UNC5D: variants seen among roughly 807,000 people sequenced by gnomAD.
The protein encoded by UNC5D is netrin receptor UNC5D.
UNC5D carries 39 observed loss-of-function variants against 105.4 expected under a neutral mutation model. The observed-to-expected ratio is 0.37, with a 90% CI of 0.29 to 0.48. The LOEUF (loss-of-function observed/expected upper bound fraction) is 0.48. Among genes scored for constraint, UNC5D ranks in the 20% least tolerant of loss-of-function variants. The pLI, the probability that UNC5D is intolerant of heterozygous loss-of-function variation, is 0.98. For synonymous variants in UNC5D, 452 were observed against 450.4 expected (o/e 1.00, Z -0.04); for missense variants, 991 against 1,202.4 (o/e 0.82, Z 2.60).
At chr8:35,365,866 G>A (rs1250345137) in intron 1 of UNC5D, among the ~76,000 whole-genome samples, 4 of 152,094 alleles carry the variant, frequency 2.6e-5, no homozygotes, top group African/African-American at 9.7e-5. Flanking sequence ...AAAAAATAAG[G>A]CAGAAGCCCT....
chr8:35,297,897 G>C (rs1807618291), intron 1 of UNC5D, among the ~76,000 whole-genome samples: 1 of 152,062 alleles, frequency 6.6e-6, no homozygotes, highest in Admixed American at 6.6e-5. Context: ...CCATTAAGCG[G>C]GGCCACAAAT....
intron 7 of UNC5D, among the ~76,000 whole-genome samples, chr8:35,702,461 C>T (rs1827274652): frequency 6.6e-6 from 1 of 152,086 alleles, no homozygotes; most frequent in African/African-American, 2.4e-5. Flanking sequence ...ACTAAGCCAA[C>T]ACCACCACCA....
intron 1 of UNC5D, among the ~76,000 whole-genome samples, chr8:35,247,032 G>A (rs1803148757): frequency 6.6e-6 from 1 of 151,990 alleles, no homozygotes; most frequent in African/African-American, 2.4e-5. Context: ...TTGCTTGCTT[G>A]GCTTTTAGAG....
rs188820130 is a variant in UNC5D, at chr8:35,698,959, A to C, written c.1085-6970A>C. On this transcript the variant is annotated intron_variant, in intron 7 of 16. Coordinates refer to ENST00000404895, the MANE Select transcript of UNC5D (RefSeq NM_080872.4). ...CAAAGCAAAAGAATTCATAGGTTAG[A>C]AAAAGGACTTTATTATGCATCTTCC... Among the ~76,000 whole-genome samples, 195 of 152,304 alleles carry C rather than the reference A, an allele frequency of 1.3e-3. 3 individuals carry two copies. The highest frequency in any genetic ancestry group is 4.0e-4 in the Non-Finnish European group (27 of 68,028).
intron 1 of UNC5D, among the ~76,000 whole-genome samples, chr8:35,540,974 T>A (rs1340225616): frequency 6.6e-6 from 1 of 152,194 alleles, no homozygotes; most frequent in Non-Finnish European, 1.5e-5. Context: ...CAGCTTTCTT[T>A]CTATAATCTA....
chr8:35,314,869 A>G (rs1386539064), intron 1 of UNC5D, among the ~76,000 whole-genome samples: 1 of 152,192 alleles, frequency 6.6e-6, no homozygotes, highest in African/African-American at 2.4e-5. Flanking sequence ...TGGGGTAAGC[A>G]TGGAACTCTT....
At chr8:35,786,902 T>A (rs2131800286) in intron 16 of UNC5D, among the ~76,000 whole-genome samples, 1 of 152,264 alleles carries the variant, frequency 6.6e-6, no homozygotes, top group African/African-American at 2.4e-5. Context: ...AGGATGGTTT[T>A]CGCATTTTTA....
At chr8:35,434,940 C>T (rs988914456) in intron 1 of UNC5D, among the ~76,000 whole-genome samples, 6 of 151,992 alleles carry the variant, frequency 3.9e-5, no homozygotes, top group South Asian at 2.1e-4. Context: ...AATTGTATGT[C>T]GTGTGTGTGT....
chr8:35,426,847 T>A (rs1029792326), intron 1 of UNC5D, among the ~76,000 whole-genome samples: 3 of 152,160 alleles, frequency 2.0e-5, no homozygotes, highest in African/African-American at 7.2e-5. Flanking sequence ...TTAATCTACG[T>A]CATTGCTTGG....
At chr8:35,368,527 A>C (rs1263753537) in intron 1 of UNC5D, among the ~76,000 whole-genome samples, 2 of 151,616 alleles carry the variant, frequency 1.3e-5, no homozygotes, top group African/African-American at 4.8e-5. Context: ...TATAAATTAA[A>C]ATTTTACTAT....
intron 1 of UNC5D, among the ~76,000 whole-genome samples, chr8:35,337,102 A>C (rs1238040824): frequency 6.6e-6 from 1 of 152,208 alleles, no homozygotes; most frequent in African/African-American, 2.4e-5. Flanking sequence ...TGCAGTGGTT[A>C]TAAATTCTGA....
rs564225674 is a variant in UNC5D, at chr8:35,407,699, C to T, written c.104-141593C>T. ...ATCCTCTCCCACCTCCCACCCTCCA[C>T]CCTCTGAAAGGCTCCAGTGTGTGTT... On this transcript the variant is annotated intron_variant, in intron 1 of 16. Transcript: ENST00000404895. Among the ~76,000 whole-genome samples, 24 of 152,242 alleles carry T rather than the reference C, an allele frequency of 1.6e-4. No individual in the cohort carries two copies. In the South Asian group the frequency reaches 4.4e-3, roughly 28 times the overall value.
chr8:35,528,551 G>A (rs896936400), intron 1 of UNC5D, among the ~76,000 whole-genome samples: 2 of 145,846 alleles, frequency 1.4e-5, no homozygotes, highest in Admixed American at 7.0e-5. Flanking sequence ...TAGTCATTTG[G>A]GTATATACCC....
In UNC5D at chr8:35,321,136, C is replaced by T. The variant is rs147056432; in HGVS notation, c.103+85249C>T. ...TCTAGGTTGATAGGACTTTATAACCCTTGGACCACAATTTGCTTTTTGGTC... is the reference window on the plus strand; with the variant it reads ...TCTAGGTTGATAGGACTTTATAACCTTTGGACCACAATTTGCTTTTTGGTC... On this transcript the variant is annotated intron_variant, in intron 1 of 16. Coordinates refer to ENST00000404895, the MANE Select transcript of UNC5D (RefSeq NM_080872.4). Among the ~76,000 whole-genome samples, 124 of 152,210 alleles carry T rather than the reference C, an allele frequency of 8.1e-4. 1 individual carries two copies. Among genetic ancestry groups the T allele is most frequent in the African/African-American group, 2.8e-3 (118 of 41,548 alleles).
At chr8:35,417,371 GA>G (rs1408719247) in intron 1 of UNC5D, among the ~76,000 whole-genome samples, 10 of 152,168 alleles carry the variant, frequency 6.6e-5, no homozygotes. Flanking sequence ...CATAGTCAAA[GA>G]AGGATGTGCA....
chr8:35,446,565 A>G (rs1283871730), intron 1 of UNC5D, among the ~76,000 whole-genome samples: 1 of 152,120 alleles, frequency 6.6e-6, no homozygotes, highest in East Asian at 1.9e-4. Context: ...CTAGCAAAAT[A>G]ACTGGGTATG....
intron 3 of UNC5D, among the ~76,000 whole-genome samples, chr8:35,588,857 A>G (rs925783860): frequency 5.3e-5 from 8 of 152,164 alleles, no homozygotes; most frequent in African/African-American, 1.7e-4. Context: ...CATGGCCAAT[A>G]AGGCAAAACC....
At position 35,416,329 on chromosome 8, in the gene UNC5D, T is replaced by C. The variant is rs555515871; in HGVS notation, c.104-132963T>C. ...AATACAAAGGAATTGTAAAAAACACTCTAAAGAGAAGTACAGAGCCCAGCA... is the reference window on the plus strand; with the variant it reads ...AATACAAAGGAATTGTAAAAAACACCCTAAAGAGAAGTACAGAGCCCAGCA... On this transcript the variant is annotated intron_variant, in intron 1 of 16. Transcript: ENST00000404895. Among the ~76,000 whole-genome samples the C allele has an allele frequency of 3.3e-5, 5 of 152,206 alleles. No homozygotes were observed. In the South Asian group the frequency reaches 8.3e-4, roughly 25 times the overall value.
intron 1 of UNC5D, among the ~76,000 whole-genome samples, chr8:35,438,715 A>G (rs1167251915): frequency 1.3e-5 from 2 of 152,028 alleles, no homozygotes; most frequent in Non-Finnish European, 2.9e-5. Flanking sequence ...GCAGGAAGCA[A>G]GGCTCCAAGT....
Sources: allele counts gnomAD v4.1 joint callset (sites outside exome capture counted in the v4.1 genomes callset), GRCh38; gene constraint gnomAD v4.1.1; transcripts MANE v1.5; gene names NCBI Gene and HGNC (gene_info 2026-07-23, HGNC 2026-07-21).